Variants in ZNF260 observed in about 807,000 individuals in gnomAD.
The protein encoded by ZNF260 is zfp-260.
A neutral mutation model predicts 29.3 loss-of-function variants in ZNF260; 21 were observed. That is an observed-to-expected ratio of 0.72 (90% CI 0.51 to 1.03). ZNF260 has a LOEUF of 1.03. Ranked by LOEUF, ZNF260 falls within the 50% of genes least tolerant of loss-of-function variation. ZNF260 has a pLI of 0.00. For missense variants in ZNF260, 465 were observed against 487.8 expected (o/e 0.95, Z 0.44); for synonymous variants, 156 against 156.8 (o/e 0.99, Z 0.04).
At chr19:36,521,088 A>C (rs2145751384) in intron 2 of ZNF260, among the ~76,000 whole-genome samples, 1 of 151,948 alleles carries the variant, frequency 6.6e-6, no homozygotes, top group East Asian at 1.9e-4. Context: ...CTCAAAAAAA[A>C]AAAAAAGAAA....
rs1459007797 is a variant in ZNF260 at position 36,514,007 on chromosome 19, G to A, written c.1232C>T (p.Thr411Ile). 6.2e-7 allele frequency: 1 copy of A among 1,612,114 alleles called. No homozygotes were observed. The change falls in exon 3 of 3, where the codon ACT becomes ATT. Residue 411 changes from threonine to isoleucine, a missense_variant. Thr to Ile is a moderately conservative substitution (Grantham distance 89). Coordinates refer to ENST00000523638, the MANE Select transcript of ZNF260 (RefSeq NM_001166037.2). ...AGGCATTCATAGAGAACTTTAATGAGTATGAATTCTCTGGTGTCTAATGTG... is the reference window on the plus strand; with the variant it reads ...AGGCATTCATAGAGAACTTTAATGAATATGAATTCTCTGGTGTCTAATGTG... ...SHHIRHQRIH[T>I]H
chr19:36,528,125 C>T (rs1221797321), intron 1 of ZNF260, 94 bp downstream of exon 1: 1 of 152,446 alleles, frequency 6.6e-6, no homozygotes, highest in African/African-American at 2.4e-5. Context: ...TACTCCCAGC[C>T]CCGTCGCAGG....
chr19:36,515,519 A>C lies in ZNF260; in HGVS notation c.-281T>G. ...AGATTGTATATAAATTAGGTTTCAAATTCTTTTAAACTGAGTTCCATACAC... is the reference window on the plus strand; with the variant it reads ...AGATTGTATATAAATTAGGTTTCAACTTCTTTTAAACTGAGTTCCATACAC... On this transcript the variant is annotated 5_prime_UTR_variant, in exon 3 of 3. Transcript: ENST00000523638. 1 of 260,204 alleles carries C rather than the reference A, an allele frequency of 3.8e-6. No individual in the cohort carries two copies. Among genetic ancestry groups the C allele is most frequent in the East Asian group, 8.1e-5 (1 of 12,366 alleles). The allele number at this position is 260,204 out of a possible 1,614,324, so 16.1% of individuals were successfully genotyped here. A position where few individuals can be genotyped will look rare whatever the true frequency, so the allele number is the denominator to read the frequency against.
Position 36,514,738 on chromosome 19 carries a change from A to G in ZNF260, c.501T>C (p.Asn167=), listed in dbSNP as rs201864811. The G allele has an allele frequency of 6.3e-4, 1,021 of 1,613,444 alleles. 1 individual carries two copies. The highest frequency in any genetic ancestry group is 1.1e-3 in the South Asian group (98 of 91,078). The change falls in exon 3 of 3, where the codon AAT becomes AAC. Residue 167 remains asparagine, a synonymous_variant. Transcript: ENST00000523638. ...IHTGEKPFEC[N]QCGRAFSQKQ... is the part of the protein sequence containing the mutation. ...TCTGGCTGAAGGCTCTTCCACACTG[A>G]TTACATTCAAATGGTTTTTCTCCAG...
Position 36,514,893 on chromosome 19 carries a change from C to G in ZNF260, c.346G>C (p.Val116Leu), listed in dbSNP as rs146981036. Residue 116 changes from valine (V) to leucine (L), a missense_variant, in exon 3 of 3, where the codon GTT (valine) becomes CTT (leucine). Val to Leu is a conservative substitution (Grantham distance 32). Coordinates refer to ENST00000523638, the MANE Select transcript of ZNF260 (RefSeq NM_001166037.2). ...TGEKPYECEKVSIQMPTIIRH... is the reference protein window; with the variant it reads ...TGEKPYECEKLSIQMPTIIRH... ...ATGATGGTTGGCATCTGAATAGAAA[C>G]TTTTTCACATTCATAAGGTTTCTCT... The G allele has an allele frequency of 4.2e-5, 68 of 1,613,722 alleles. 1 individual carries two copies. Among genetic ancestry groups the G allele is most frequent in the Middle Eastern group, 1.6e-4 (1 of 6,082 alleles).
intron 2 of ZNF260, among the ~76,000 whole-genome samples, chr19:36,518,434 T>C (rs551652608): frequency 2.0e-4 from 31 of 152,236 alleles, no homozygotes; most frequent in African/African-American, 7.5e-4. Context: ...TGCAATGAAA[T>C]ATTAACAGTG....
At chr19:36,527,203 G>GA (rs2034750516) in intron 1 of ZNF260, among the ~76,000 whole-genome samples, 2 of 152,180 alleles carry the variant, frequency 1.3e-5, no homozygotes, top group Non-Finnish European at 2.9e-5. Context: ...TTGCTGATAG[G>GA]AGTACTTAGA....
rs2034714914 is a variant in ZNF260 at position 36,525,246 on chromosome 19, G to C, written c.-553C>G. ...TCTTTTAAGTGCTGACTTTAAACTT[G>C]TGAGCAGAAAAATGACACTGGACTT... On this transcript the variant is annotated 5_prime_UTR_variant, in exon 2 of 3. Coordinates refer to ENST00000523638, the MANE Select transcript of ZNF260 (RefSeq NM_001166037.2). The C allele has an allele frequency of 1.3e-5, 2 of 152,132 alleles. No homozygotes were observed. Among genetic ancestry groups the C allele is most frequent in the Non-Finnish European group, 2.9e-5 (2 of 68,036 alleles). The allele number at this position is 152,132 out of a possible 1,614,324, so 9.4% of individuals were successfully genotyped here.
chr19:36,521,140 G>C (rs2034639293), intron 2 of ZNF260, among the ~76,000 whole-genome samples: 2 of 151,418 alleles, frequency 1.3e-5, no homozygotes, highest in Non-Finnish European at 2.9e-5. Flanking sequence ...TAAAGCCCAA[G>C]GCATGGATGG....
rs151109328 is a variant in ZNF260 at position 36,514,492 on chromosome 19, C to T, written c.747G>A (p.Thr249=). Residue 249 remains threonine (T), a synonymous_variant, in exon 3 of 3, where the codon ACG becomes ACA. Coordinates refer to ENST00000523638, the MANE Select transcript of ZNF260 (RefSeq NM_001166037.2). ...TGAAGGCTTTCCCACATTCCTTACA[C>T]GTATAAGGTTTCTCTCCTGTGTGAC... ...QRSHTGEKPY[T]CKECGKAFSG... 230 of 1,613,448 alleles carry T rather than the reference C, an allele frequency of 1.4e-4. 1 individual carries two copies. In the African/African-American group the frequency reaches 2.4e-3, roughly 17 times the overall value.
Position 36,514,261 on chromosome 19 carries a change from A to C in ZNF260, c.978T>G (p.His326Gln), listed in dbSNP as rs375644215. The C allele has an allele frequency of 1.2e-6, 2 of 1,613,962 alleles. No individual in the cohort carries two copies. The highest frequency in any genetic ancestry group is 2.7e-5 in the African/African-American group (2 of 74,922). The change falls in exon 3 of 3, where the codon CAT (histidine) becomes CAG (glutamine). Residue 326 changes from histidine to glutamine, a missense_variant. His to Gln is a conservative substitution (Grantham distance 24). Transcript: ENST00000523638. The stretch of plus-strand genomic sequence containing the variant: ...TACACTCATAAGGCTTATCACCTGT[A>C]TGAATTCTCACATGTACAATAAGTG... ...ITSLIVHVRI[H>Q]TGDKPYECKV...
chr19:36,519,633 C>G (rs1157213982), intron 2 of ZNF260, among the ~76,000 whole-genome samples: 1 of 152,104 alleles, frequency 6.6e-6, no homozygotes, highest in African/African-American at 2.4e-5. Context: ...AAAGAACATT[C>G]TGAAAATCAG....
chr19:36,526,323 C>CT (rs1568556396), intron 1 of ZNF260, among the ~76,000 whole-genome samples: 1 of 151,914 alleles, frequency 6.6e-6, no homozygotes, highest in Non-Finnish European at 1.5e-5. Flanking sequence ...GGCTGACCAC[C>CT]TGAGGTCAGG....
Position 36,511,314 on chromosome 19 carries a change from C to G in ZNF260, c.*2686G>C, listed in dbSNP as rs753092474. 6.6e-6 allele frequency: 1 copy of G among 151,874 alleles called. No individual in the cohort carries two copies. The highest frequency in any genetic ancestry group is 1.5e-5 in the Non-Finnish European group (1 of 67,998). 9.4% of individuals were successfully genotyped at this position (151,874 alleles called of 1,614,324 possible). On this transcript the variant is annotated 3_prime_UTR_variant, in exon 3 of 3. Coordinates refer to ENST00000523638, the MANE Select transcript of ZNF260 (RefSeq NM_001166037.2). ...CCAAGGTGGGCGGATCACCTGAGGTCGGGAGTTCAAGACCAGCCTTTGGAG... is the reference window on the plus strand; with the variant it reads ...CCAAGGTGGGCGGATCACCTGAGGTGGGGAGTTCAAGACCAGCCTTTGGAG...
At chr19:36,517,838 C>CTT (rs200161285) in intron 2 of ZNF260, among the ~76,000 whole-genome samples, 1 of 143,978 alleles carries the variant, frequency 6.9e-6, no homozygotes, top group Non-Finnish European at 1.5e-5. Context: ...TTCTTTCTTT[C>CTT]TTTTTTTTTT....
intron 1 of ZNF260, among the ~76,000 whole-genome samples, chr19:36,526,930 C>T (rs1286113290): frequency 6.6e-6 from 1 of 152,198 alleles, no homozygotes; most frequent in Non-Finnish European, 1.5e-5. Context: ...GAAGCCTTCT[C>T]TAAGATGTAA....
chr19:36,528,213 AC>A lies in ZNF260; in HGVS notation c.-681+5del, dbSNP rs2034769121. 6.6e-6 allele frequency: 1 copy of A among 151,930 alleles called. No homozygotes were observed. Among genetic ancestry groups the A allele is most frequent in the Non-Finnish European group, 1.5e-5 (1 of 68,014 alleles). The allele number at this position is 151,930 out of a possible 1,614,324, so 9.4% of individuals were successfully genotyped here. A position where few individuals can be genotyped will look rare whatever the true frequency, so the allele number is the denominator to read the frequency against. ...CCAAGTCCCACAGGGCCGAAACCCA[AC>A]TCACCGGCAGACAAAGACGACCATG... On this transcript the variant is annotated splice_donor_5th_base_variant and intron_variant, in intron 1 of 2. Transcript: ENST00000523638.
Position 36,510,876 on chromosome 19 carries a change from T to C in ZNF260, c.*3124A>G, listed in dbSNP as rs1468949395. ...TGGGTCCAGGACCATGGCTAACTCA[T>C]GGCACAAAAAGCTAGTCCTGGTTTG... On this transcript the variant is annotated 3_prime_UTR_variant, in exon 3 of 3. Coordinates refer to ENST00000523638, the MANE Select transcript of ZNF260 (RefSeq NM_001166037.2). 1 of 152,212 alleles carries C rather than the reference T, an allele frequency of 6.6e-6. No homozygotes were observed. Among genetic ancestry groups the C allele is most frequent in the Non-Finnish European group, 1.5e-5 (1 of 68,052 alleles). The allele number at this position is 152,212 out of a possible 1,614,324, so 9.4% of individuals were successfully genotyped here.
rs1306270311 is a variant in ZNF260 at position 36,513,831 on chromosome 19, T to C, written c.*169A>G. On this transcript the variant is annotated 3_prime_UTR_variant, in exon 3 of 3. Transcript: ENST00000523638. ...TTGTGGGAGTTTTGGGGGTACGGGT[T>C]TTCTTTACACTATAATACTTATTAA... 8.4e-6 allele frequency: 6 copies of C among 715,480 alleles called. No homozygotes were observed. The highest frequency in any genetic ancestry group is 2.0e-5 in the South Asian group (1 of 49,088). The allele number at this position is 715,480 out of a possible 1,614,324, so 44.3% of individuals were successfully genotyped here.
Sources: gnomAD v4.1 joint callset for allele counts (sites outside exome capture counted in the v4.1 genomes callset) on GRCh38, gnomAD v4.1.1 for gene constraint, MANE v1.5 for transcripts, NCBI Gene and HGNC (gene_info 2026-07-23, HGNC 2026-07-21) for gene names.